Variants in PPP4R2 observed in about 807,000 individuals in gnomAD.
PPP4R2 encodes serine/threonine-protein phosphatase 4 regulatory subunit 2.
PPP4R2 carries 13 observed loss-of-function variants against 47.2 expected under a neutral mutation model. That is an observed-to-expected ratio of 0.28 (90% CI 0.18 to 0.44). The LOEUF (loss-of-function observed/expected upper bound fraction) is 0.44. PPP4R2 is among the 20% of genes least tolerant of loss of function. The pLI is 1.00. For synonymous variants in PPP4R2, 151 were observed against 163.3 expected (o/e 0.92, Z 0.57); for missense variants, 421 against 491.2 (o/e 0.86, Z 1.35).
chr3:73,047,917 C>G (rs918246432), intron 3 of PPP4R2, among the ~76,000 whole-genome samples: 1 of 152,200 alleles, frequency 6.6e-6, no homozygotes, highest in African/African-American at 2.4e-5. Context: ...CGCTCTGTCA[C>G]CTAGGCTGGA....
intron 2 of PPP4R2, among the ~76,000 whole-genome samples, chr3:73,024,604 A>G (rs889935001): frequency 6.6e-6 from 1 of 152,126 alleles, no homozygotes; most frequent in African/African-American, 2.4e-5. Flanking sequence ...TCTAAATTAT[A>G]ATTTGAAAGC....
chr3:73,025,921 T>C (rs1702054686), intron 2 of PPP4R2, among the ~76,000 whole-genome samples: 1 of 152,182 alleles, frequency 6.6e-6, no homozygotes, highest in South Asian at 2.1e-4. Flanking sequence ...TTAGTGGGAA[T>C]GAACATGAGG....
intron 7 of PPP4R2, among the ~76,000 whole-genome samples, chr3:73,064,484 A>T (rs1326377473): frequency 6.6e-6 from 1 of 152,236 alleles, no homozygotes; most frequent in East Asian, 1.9e-4. Flanking sequence ...TGTAGTTCAT[A>T]AAAGGACACC....
chr3:73,043,327 T>C (rs1313817773), intron 2 of PPP4R2, among the ~76,000 whole-genome samples: 1 of 152,076 alleles, frequency 6.6e-6, no homozygotes, highest in Non-Finnish European at 1.5e-5. Flanking sequence ...ATTCTGCTTG[T>C]TAAACCTCAA....
chr3:73,008,058 C>G (rs1306704365), intron 2 of PPP4R2, among the ~76,000 whole-genome samples: 4 of 134,960 alleles, frequency 3.0e-5, no homozygotes, highest in Non-Finnish European at 6.3e-5. Flanking sequence ...CCCATAACCA[C>G]TGTGTTAATT....
intron 1 of PPP4R2, chr3:72,997,399 C>G: frequency 4.0e-6 from 1 of 252,526 alleles, no homozygotes; most frequent in East Asian, 5.8e-5. Context: ...CCTCTTTTCT[C>G]CACCAGGCTA....
chr3:73,055,733 C>G (rs1320545500), intron 3 of PPP4R2, among the ~76,000 whole-genome samples: 8 of 150,696 alleles, frequency 5.3e-5, no homozygotes, highest in Admixed American at 3.3e-4. Flanking sequence ...TCAATCTCGA[C>G]TCACTGCAAC....
chr3:73,032,864 T>C (rs1296889479), intron 2 of PPP4R2, among the ~76,000 whole-genome samples: 1 of 152,222 alleles, frequency 6.6e-6, no homozygotes, highest in Non-Finnish European at 1.5e-5. Context: ...TGTATGCTTA[T>C]GACTAATTCA....
intron 2 of PPP4R2, among the ~76,000 whole-genome samples, chr3:73,046,480 C>T (rs1230132452): frequency 1.3e-5 from 2 of 152,124 alleles, no homozygotes; most frequent in East Asian, 1.9e-4. Flanking sequence ...CAGGTATCCT[C>T]ACAAAATTTC....
At chr3:73,055,896 G>A (rs1702723267) in intron 3 of PPP4R2, among the ~76,000 whole-genome samples, 1 of 152,058 alleles carries the variant, frequency 6.6e-6, no homozygotes, top group Admixed American at 6.6e-5. Flanking sequence ...GTGAGCCACC[G>A]TGCCTGGCCC....
chr3:73,024,854 G>A (rs1462100987), intron 2 of PPP4R2, among the ~76,000 whole-genome samples: 1 of 152,166 alleles, frequency 6.6e-6, no homozygotes, highest in Non-Finnish European at 1.5e-5. Flanking sequence ...AACTAGAAAA[G>A]AAGGGAAAGA....
intron 2 of PPP4R2, among the ~76,000 whole-genome samples, chr3:73,044,443 G>A (rs1000139143): frequency 6.6e-6 from 1 of 152,062 alleles, no homozygotes; most frequent in South Asian, 2.1e-4. Context: ...AAAGTTAGCT[G>A]GACGTAGTGG....
intron 2 of PPP4R2, among the ~76,000 whole-genome samples, chr3:73,041,475 T>C (rs1702378455): frequency 6.6e-6 from 1 of 152,274 alleles, no homozygotes; most frequent in African/African-American, 2.4e-5. Context: ...CTGAATTATT[T>C]GACATTTTAA....
intron 2 of PPP4R2, among the ~76,000 whole-genome samples, chr3:73,004,915 G>T (rs1479544627): frequency 2.1e-3 from 224 of 107,708 alleles, no homozygotes; most frequent in African/African-American, 8.8e-3. Context: ...GGAGTCATGT[G>T]TGTGTGTTTG....
intron 2 of PPP4R2, among the ~76,000 whole-genome samples, chr3:73,024,556 G>A (rs1702020833): frequency 6.6e-6 from 1 of 152,104 alleles, no homozygotes. Context: ...TAATTTAGTA[G>A]TCTCACAGCA....
At chr3:73,044,871 T>G (rs6549498) in intron 2 of PPP4R2, among the ~76,000 whole-genome samples, 70,208 of 152,092 alleles carry the variant, frequency 0.46, 16,512 homozygotes, top group South Asian at 0.57. Flanking sequence ...GATAAAAGAT[T>G]TGCAAATATT....
chr3:73,029,241 A>G (rs1007856965), intron 2 of PPP4R2, among the ~76,000 whole-genome samples: 1 of 152,212 alleles, frequency 6.6e-6, no homozygotes, highest in African/African-American at 2.4e-5. Flanking sequence ...TCGCCTGGCT[A>G]GTATTACAGA....
chr3:73,034,881 T>C (rs1168198164), intron 2 of PPP4R2, among the ~76,000 whole-genome samples: 1 of 151,210 alleles, frequency 6.6e-6, no homozygotes, highest in African/African-American at 2.4e-5. Flanking sequence ...GTTCAGATCA[T>C]TGGTCTGGGC....
intron 2 of PPP4R2, among the ~76,000 whole-genome samples, chr3:73,009,839 A>G (rs1056285347): frequency 6.6e-6 from 1 of 152,212 alleles, no homozygotes; most frequent in Non-Finnish European, 1.5e-5. Flanking sequence ...TGAGAAATGT[A>G]TTTTAGATCT....
Sources: gnomAD v4.1 joint callset for allele counts (sites outside exome capture counted in the v4.1 genomes callset) on GRCh38, gnomAD v4.1.1 for gene constraint, MANE v1.5 for transcripts, NCBI Gene and HGNC (gene_info 2026-07-23, HGNC 2026-07-21) for gene names.